ALMS1: variants seen among roughly 807,000 people sequenced by gnomAD.
ALMS1 encodes the protein centrosome-associated protein ALMS1.
ALMS1 carries 271 observed loss-of-function variants against 352.2 expected under a neutral mutation model. The observed-to-expected ratio is 0.77, with a 90% confidence interval of 0.70 to 0.85. ALMS1 has a LOEUF of 0.85. Among genes scored for constraint, ALMS1 ranks in the 40% least tolerant of loss-of-function variants. ALMS1 has a pLI of 0.00. For missense variants in ALMS1, 5,445 were observed against 4,870.7 expected, an observed-to-expected ratio of 1.12 and a Z score of -3.51; for synonymous variants, 1,865 against 1,761.2, an observed-to-expected ratio of 1.06 and a Z score of -1.48.
intron 9 of ALMS1, among the ~76,000 whole-genome samples, chr2:73,487,320 G>C (rs1380245540): frequency 6.6e-6 from 1 of 152,202 alleles, no homozygotes; most frequent in Non-Finnish European, 1.5e-5. Context: ...CAGGCATGCT[G>C]ACGGCTGTGG....
chr2:73,440,441 G>C (rs13423604), intron 7 of ALMS1, among the ~76,000 whole-genome samples: 2 of 151,652 alleles, frequency 1.3e-5, no homozygotes, highest in African/African-American at 4.9e-5. Context: ...CCTCTCTCTC[G>C]CGTTCGCTGT....
intron 16 of ALMS1, among the ~76,000 whole-genome samples, chr2:73,589,015 A>C (rs556781656): frequency 6.6e-6 from 1 of 152,146 alleles, no homozygotes; most frequent in Non-Finnish European, 1.5e-5. Flanking sequence ...CTATGTGTAT[A>C]TATATATACG....
Position 73,490,079 on chromosome 2 carries a change from C to T in ALMS1, c.8120C>T (p.Pro2707Leu). The stretch of plus-strand genomic sequence containing the variant: ...TCATCACAAATGCCGTCCCCAGAAC[C>T]CATGAAAAAGTTTACTACCTCCATC... Reference protein sequence around the residue: ...HSSSQMPSPEPMKKFTTSITF... With the variant: ...HSSSQMPSPELMKKFTTSITF... Residue 2707 changes from proline to leucine, a missense_variant, in exon 10 of 23, where the codon CCC becomes CTC. Transcript: ENST00000613296. 2 of 1,614,162 alleles carry T rather than the reference C, an allele frequency of 1.2e-6. No homozygotes were observed. The highest frequency in any genetic ancestry group is 1.7e-6 in the Non-Finnish European group (2 of 1,180,032).
intron 9 of ALMS1, among the ~76,000 whole-genome samples, chr2:73,456,111 A>G (rs1672054407): frequency 6.6e-6 from 1 of 152,230 alleles, no homozygotes; most frequent in Non-Finnish European, 1.5e-5. Context: ...AGCTTGAGAA[A>G]TAGAACATTA....
chr2:73,550,316 A>T lies in ALMS1; in HGVS notation c.9957A>T (p.Thr3319=), dbSNP rs766246790. Reference sequence around the variant, plus strand: ...ACTTCCCAGCTCAGGTGCTAGGCACAAGAGATGATGACCTCTCAGCCACTG... The same window carrying T: ...ACTTCCCAGCTCAGGTGCTAGGCACTAGAGATGATGACCTCTCAGCCACTG... ...APDFPAQVLG[T]RDDDLSATVN... is the part of the protein sequence containing the mutation. Residue 3319 remains threonine, a synonymous_variant, in exon 13 of 23, where the codon ACA becomes ACT. Transcript: ENST00000613296. The T allele has an allele frequency of 1.2e-6, 2 of 1,614,172 alleles. No homozygotes were observed. Among genetic ancestry groups the T allele is most frequent in the Non-Finnish European group, 1.7e-6 (2 of 1,180,014 alleles).
intron 16 of ALMS1, among the ~76,000 whole-genome samples, chr2:73,590,429 ATAAG>A (rs1675404256): frequency 6.6e-6 from 1 of 152,222 alleles, no homozygotes; most frequent in African/African-American, 2.4e-5. Context: ...CAGAAGTTTT[ATAAG>A]TAAGCCCATA....
chr2:73,579,164 G>C (rs557715193), intron 16 of ALMS1, among the ~76,000 whole-genome samples: 23 of 138,776 alleles, frequency 1.7e-4, no homozygotes, highest in African/African-American at 6.4e-4. Context: ...GGTTCCAGCA[G>C]TTCTCCTGCC....
intron 10 of ALMS1, among the ~76,000 whole-genome samples, chr2:73,501,084 A>G (rs1422836036): frequency 6.6e-6 from 1 of 152,162 alleles, no homozygotes; most frequent in Admixed American, 6.6e-5. Context: ...TATTTCCATG[A>G]TGACTAATGA....
At chr2:73,429,775 C>T (rs1032829370) in intron 6 of ALMS1, among the ~76,000 whole-genome samples, 3 of 152,064 alleles carry the variant, frequency 2.0e-5, no homozygotes, top group Non-Finnish European at 4.4e-5. Context: ...TGCATGTTTT[C>T]TTGTGAACAT....
At chr2:73,395,245 A>G (rs1048648689) in intron 1 of ALMS1, among the ~76,000 whole-genome samples, 1 of 150,776 alleles carries the variant, frequency 6.6e-6, no homozygotes, top group Non-Finnish European at 1.5e-5. Context: ...ATGCCTGGCT[A>G]ATTTTTGTAT....
intron 1 of ALMS1, among the ~76,000 whole-genome samples, chr2:73,398,822 A>G (rs1007874902): frequency 1.3e-5 from 2 of 151,992 alleles, no homozygotes; most frequent in African/African-American, 2.4e-5. Flanking sequence ...TATTAATTCC[A>G]GGAAAGTTTT....
intron 1 of ALMS1, among the ~76,000 whole-genome samples, chr2:73,395,038 G>A (rs1191172453): frequency 1.2e-5 from 1 of 80,932 alleles, no homozygotes. Context: ...GTATATATAT[G>A]TGTGTGTATA....
intron 12 of ALMS1, among the ~76,000 whole-genome samples, chr2:73,539,847 G>A (rs1385732838): frequency 6.6e-6 from 1 of 152,044 alleles, no homozygotes; most frequent in Non-Finnish European, 1.5e-5. Flanking sequence ...AAGAAACAAA[G>A]CCTCCAAGAA....
chr2:73,467,752 G>A (rs1193093438), intron 9 of ALMS1, among the ~76,000 whole-genome samples: 1 of 152,026 alleles, frequency 6.6e-6, no homozygotes, highest in East Asian at 1.9e-4. Flanking sequence ...ATCCTGTGTA[G>A]CCATAAAAGA....
intron 9 of ALMS1, among the ~76,000 whole-genome samples, chr2:73,466,415 A>C (rs973873066): frequency 2.8e-5 from 4 of 145,290 alleles, no homozygotes; most frequent in South Asian, 4.5e-4. Context: ...GTTCTCACTC[A>C]TAGGTGGGAA....
chr2:73,609,630 C>A lies in ALMS1; in HGVS notation c.*18C>A. On this transcript the variant is annotated 3_prime_UTR_variant, in exon 23 of 23. Coordinates refer to ENST00000613296, the MANE Select transcript of ALMS1 (RefSeq NM_001378454.1). ...GGGACTGACACAAGTTTATTTTCCTCAGAGCCTTGGAATTCTATTTTATGA... is the reference window on the plus strand; with the variant it reads ...GGGACTGACACAAGTTTATTTTCCTAAGAGCCTTGGAATTCTATTTTATGA... 6.2e-7 allele frequency: 1 copy of A among 1,612,922 alleles called. No homozygotes were observed. The highest frequency in any genetic ancestry group is 8.5e-7 in the Non-Finnish European group (1 of 1,178,886).
intron 12 of ALMS1, among the ~76,000 whole-genome samples, chr2:73,539,639 C>T (rs760259542): frequency 3.9e-5 from 6 of 152,066 alleles, no homozygotes; most frequent in African/African-American, 7.2e-5. Context: ...AAAGATTAGA[C>T]GAATGGCTAA....
chr2:73,418,575 T>G (rs1195031705), intron 2 of ALMS1, among the ~76,000 whole-genome samples: 3 of 152,228 alleles, frequency 2.0e-5, no homozygotes, highest in African/African-American at 7.2e-5. Flanking sequence ...AACAATTCTG[T>G]CTGCAGATTG....
intron 10 of ALMS1, among the ~76,000 whole-genome samples, chr2:73,496,022 C>A (rs1673100155): frequency 6.6e-6 from 1 of 152,214 alleles, no homozygotes; most frequent in Non-Finnish European, 1.5e-5. Flanking sequence ...GTCAGCATCT[C>A]CCTTCCCCAT....
Sources: allele counts gnomAD v4.1 joint callset (sites outside exome capture counted in the v4.1 genomes callset), GRCh38; gene constraint gnomAD v4.1.1; transcripts MANE v1.5; gene names NCBI Gene and HGNC (gene_info 2026-07-23, HGNC 2026-07-21).